The following PCDHGA4 variants were observed in gnomAD, a reference collection of about 807,000 sequenced individuals.
PCDHGA4 encodes protocadherin gamma-A4.
PCDHGA4 carries 38 observed loss-of-function variants against 54.6 expected under a neutral mutation model. The ratio of observed to expected loss-of-function variants is 0.70; its 90% CI spans 0.54 to 0.91. PCDHGA4 has a LOEUF of 0.91. PCDHGA4 is among the 40% of genes least tolerant of loss of function. The probability of loss-of-function intolerance (pLI) is 0.00; values close to 1 mark genes in which losing one functional copy is unlikely to be tolerated. For synonymous variants in PCDHGA4, 511 were observed against 512.9 expected, an observed-to-expected ratio of 1.00 and a Z score of 0.05; for missense variants, 1,298 against 1,220.9, an observed-to-expected ratio of 1.06 and a Z score of -0.94.
intron 1 of PCDHGA4, among the ~76,000 whole-genome samples, chr5:141,462,903 T>A (rs1455334521): frequency 6.6e-6 from 1 of 152,208 alleles, no homozygotes; most frequent in Non-Finnish European, 1.5e-5. Context: ...GGAAGGCTAT[T>A]ATGTTTTTTG....
chr5:141,445,341 A>G (rs1165606147), intron 1 of PCDHGA4, among the ~76,000 whole-genome samples: 2 of 152,218 alleles, frequency 1.3e-5, no homozygotes, highest in African/African-American at 4.8e-5. Context: ...AACAGTAAAC[A>G]TTGGTGTCTG....
chr5:141,410,760 A>C, intron 1 of PCDHGA4: 1 of 1,177,482 alleles, frequency 8.5e-7, no homozygotes. Context: ...ATGTTTTTTC[A>C]ATTATAGTTT....
chr5:141,419,769 C>A (rs773303779), intron 1 of PCDHGA4: 14 of 1,614,006 alleles, frequency 8.7e-6, no homozygotes, highest in East Asian at 4.5e-5. Context: ...GACAAGGACT[C>A]GGTCCGCCAG....
chr5:141,413,283 C>G (rs377443382), intron 1 of PCDHGA4: 1 of 1,613,966 alleles, frequency 6.2e-7, no homozygotes, highest in Admixed American at 1.7e-5. Context: ...GGCAGATCTC[C>G]TACTCAATTC....
chr5:141,472,980 CAA>C (rs60579131), intron 1 of PCDHGA4, among the ~76,000 whole-genome samples: 879 of 86,072 alleles, frequency 0.01, 5 homozygotes, highest in African/African-American at 0.015. Context: ...GAGTGAAACT[CAA>C]AAAAAAAAAA....
intron 1 of PCDHGA4, 76 bp downstream of exon 1, chr5:141,357,697 T>C (rs1433075291): frequency 2.0e-6 from 3 of 1,523,702 alleles, no homozygotes; most frequent in East Asian, 2.3e-5. Context: ...TCATTTTATA[T>C]GTAATATATC....
At position 141,356,408 on chromosome 5, in the gene PCDHGA4, G is replaced by T. The variant is rs375778889; in HGVS notation, c.1301G>T (p.Arg434Leu). Residue 434 changes from arginine (R) to leucine (L), a missense_variant, in exon 1 of 4, where the codon CGG (arginine) becomes CTG (leucine). Transcript: ENST00000571252. ...GAAAAGACCTATGGAAATTATTATC[G>T]GTTGTTGACACACAGAACACTGGAC... is the stretch of plus-strand genomic sequence containing the variant. ...TLEKTYGNYYRLLTHRTLDRE... is the reference protein window; with the variant it reads ...TLEKTYGNYYLLLTHRTLDRE... The T allele has an allele frequency of 6.3e-7, 1 of 1,595,544 alleles. No homozygotes were observed. Among genetic ancestry groups the T allele is most frequent in the South Asian group, 1.1e-5 (1 of 88,810 alleles).
intron 1 of PCDHGA4, chr5:141,426,513 C>G (rs780618436): frequency 2.3e-5 from 8 of 341,028 alleles, no homozygotes; most frequent in African/African-American, 4.3e-5. Flanking sequence ...AATACTTTAC[C>G]GTGAACACGG....
At chr5:141,398,045 G>A (rs2093604271) in intron 1 of PCDHGA4, 1 of 1,498,158 alleles carries the variant, frequency 6.7e-7, no homozygotes. Flanking sequence ...AAGCCCGTTC[G>A]GAGATCCAAA....
chr5:141,399,092 G>C (rs573118488), intron 1 of PCDHGA4: 1 of 1,613,810 alleles, frequency 6.2e-7, no homozygotes, highest in East Asian at 2.2e-5. Context: ...GATGGTGGTG[G>C]ACTGGTTGCA....
intron 1 of PCDHGA4, chr5:141,409,624 G>A (rs747166507): frequency 2.5e-6 from 4 of 1,613,846 alleles, no homozygotes; most frequent in Non-Finnish European, 3.4e-6. Flanking sequence ...TTGCGCAAGT[G>A]AGCGCCTCTG....
At chr5:141,395,198 A>G (rs2093194899) in intron 1 of PCDHGA4, 1 of 1,613,990 alleles carries the variant, frequency 6.2e-7, no homozygotes, top group Non-Finnish European at 8.5e-7. Flanking sequence ...TAACATCCGT[A>G]GATTTTCATG....
chr5:141,472,838 T>C (rs1457889821), intron 1 of PCDHGA4, among the ~76,000 whole-genome samples: 1 of 151,464 alleles, frequency 6.6e-6, no homozygotes, highest in Non-Finnish European at 1.5e-5. Context: ...AATAGAAAAT[T>C]AGCTGGGCAT....
Position 141,487,858 on chromosome 5 carries a change from G to C in PCDHGA4, c.2515-6949G>C, listed in dbSNP as rs575288726. Reference sequence around the variant, plus strand: ...ATCTGAGTAAGAAATGAAAGTAATTGGTGATCAAGAGCCAGGCTGTTGTGG... The same window carrying C: ...ATCTGAGTAAGAAATGAAAGTAATTCGTGATCAAGAGCCAGGCTGTTGTGG... On this transcript the variant is annotated intron_variant, in intron 1 of 3. Transcript: ENST00000571252. The surrounding 1 kb of genome is among the most constrained non-coding windows in gnomAD (Gnocchi z 5.0). The C allele has an allele frequency of 3.8e-5, 36 of 953,250 alleles. No individual in the cohort carries two copies. The Middle Eastern group carries it at 1.3e-3, about 35-fold the overall frequency. 59.0% of individuals were successfully genotyped at this position (953,250 alleles called of 1,614,324 possible). A position where few individuals can be genotyped will look rare whatever the true frequency, so the allele number is the denominator to read the frequency against.
intron 1 of PCDHGA4, among the ~76,000 whole-genome samples, chr5:141,380,915 GT>G (rs1776856822): frequency 6.6e-6 from 1 of 152,180 alleles, no homozygotes; most frequent in Admixed American, 6.5e-5. Flanking sequence ...TGCTTACATT[GT>G]TTAATAATCA....
At chr5:141,383,914 G>C (rs1167823249) in intron 1 of PCDHGA4, 9 of 1,613,960 alleles carry the variant, frequency 5.6e-6, no homozygotes, top group Non-Finnish European at 6.8e-6. Flanking sequence ...CACAGTTTTA[G>C]ATGTAAATGA....
intron 1 of PCDHGA4, chr5:141,387,731 C>A (rs909205011): frequency 6.4e-6 from 8 of 1,254,262 alleles, no homozygotes; most frequent in East Asian, 2.5e-5. Flanking sequence ...CCAGCGCCAG[C>A]CTTTACACCG....
chr5:141,371,352 G>C lies in PCDHGA4; in HGVS notation c.2514+13731G>C, dbSNP rs1005607515. ...GAGAGATAGCTACACAATTGGGGTG[G>C]AAGCAAAGGATGGTGGACATCACAC... On this transcript the variant is annotated intron_variant, in intron 1 of 3. Coordinates refer to ENST00000571252, the MANE Select transcript of PCDHGA4 (RefSeq NM_018917.4). 1.9e-6 allele frequency: 3 copies of C among 1,613,840 alleles called. No individual in the cohort carries two copies. In the African/African-American group the frequency reaches 4.0e-5, roughly 22 times the overall value.
At chr5:141,495,292 C>T (rs74321313) in intron 2 of PCDHGA4, among the ~76,000 whole-genome samples, 8,567 of 152,256 alleles carry the variant, frequency 0.056, 526 homozygotes, top group African/African-American at 0.16. Context: ...CCGCACTCAG[C>T]GCCTCCTCCA....
Sources: gnomAD v4.1 joint callset for allele counts (sites outside exome capture counted in the v4.1 genomes callset) on GRCh38, gnomAD v4.1.1 for gene constraint, Gnocchi (gnomAD v3.1) non-coding constraint, MANE v1.5 for transcripts, NCBI Gene and HGNC (gene_info 2026-07-23, HGNC 2026-07-21) for gene names.